SAMMSON: variants seen among roughly 807,000 people sequenced by gnomAD.
SAMMSON encodes the protein survival associated mitochondrial melanoma specific oncogenic non-coding RNA, also known as long intergenic non-protein coding RNA 1212.
chr3:70,339,310 A>T (rs1702691885), intron 7 of SAMMSON, among the ~76,000 whole-genome samples: 1 of 152,164 alleles, frequency 6.6e-6, no homozygotes, highest in South Asian at 2.1e-4. Context: ...CTAGAAGAAA[A>T]CCTAGACAGT....
At chr3:70,238,605 G>A (rs1460947759) in intron 4 of SAMMSON, among the ~76,000 whole-genome samples, 1 of 151,352 alleles carries the variant, frequency 6.6e-6, no homozygotes, top group Non-Finnish European at 1.5e-5. Flanking sequence ...GTGAGCACTT[G>A]TCTCAAAAAA....
chr3:70,274,622 C>T (rs1232138795), intron 6 of SAMMSON, among the ~76,000 whole-genome samples: 1 of 152,052 alleles, frequency 6.6e-6, no homozygotes, highest in Non-Finnish European at 1.5e-5. Context: ...CACACTGGGT[C>T]CTGTTGGGGA....
intron 4 of SAMMSON, among the ~76,000 whole-genome samples, chr3:70,122,788 T>C (rs2067440389): frequency 6.6e-6 from 1 of 152,262 alleles, no homozygotes; most frequent in African/African-American, 2.4e-5. Flanking sequence ...AATAAGTTTT[T>C]TATCCTATAG....
chr3:70,372,147 G>A (rs868413720), intron 9 of SAMMSON, among the ~76,000 whole-genome samples: 19 of 151,994 alleles, frequency 1.3e-4, no homozygotes, highest in African/African-American at 3.4e-4. Flanking sequence ...TGAGAATCTC[G>A]TTTCCTAGTT....
At chr3:70,187,605 T>C (rs1316293727) in intron 4 of SAMMSON, among the ~76,000 whole-genome samples, 1 of 151,474 alleles carries the variant, frequency 6.6e-6, no homozygotes, top group Non-Finnish European at 1.5e-5. Flanking sequence ...GCCCGGCTAA[T>C]TTTTGTATTT....
At chr3:70,008,564 T>C (rs993549438) in intron 1 of SAMMSON, among the ~76,000 whole-genome samples, 9 of 152,202 alleles carry the variant, frequency 5.9e-5, no homozygotes, top group East Asian at 1.9e-4. Flanking sequence ...TTTCTAGATA[T>C]ACAGTCATGT....
intron 4 of SAMMSON, among the ~76,000 whole-genome samples, chr3:70,218,993 GA>G (rs35967599): frequency 0.33 from 49,137 of 150,834 alleles, 10,361 homozygotes; most frequent in Non-Finnish European, 0.46. Context: ...GCCATTTCAA[GA>G]AAAAAAAAGT....
intron 4 of SAMMSON, among the ~76,000 whole-genome samples, chr3:70,078,846 G>C (rs1056290714): frequency 6.6e-6 from 1 of 152,132 alleles, no homozygotes; most frequent in Non-Finnish European, 1.5e-5. Context: ...CCTCACTTTA[G>C]TGCTGGCTCA....
chr3:70,286,086 T>G (rs1288724599), intron 6 of SAMMSON, among the ~76,000 whole-genome samples: 3 of 152,168 alleles, frequency 2.0e-5, no homozygotes, highest in Admixed American at 6.5e-5. Flanking sequence ...GTCAATTTTG[T>G]GTTTTGCTGC....
intron 6 of SAMMSON, among the ~76,000 whole-genome samples, chr3:70,275,708 T>C (rs34934640): frequency 0.22 from 32,783 of 152,102 alleles, 3,864 homozygotes; most frequent in African/African-American, 0.31. Flanking sequence ...CAAAGCGTCG[T>C]TGAAAGGATT....
chr3:70,358,102 C>T (rs1017145905), intron 8 of SAMMSON, among the ~76,000 whole-genome samples: 1 of 152,018 alleles, frequency 6.6e-6, no homozygotes, highest in East Asian at 1.9e-4. Context: ...TAAACATAGC[C>T]ATTATCAAAA....
intron 2 of SAMMSON, among the ~76,000 whole-genome samples, chr3:70,405,020 CA>C (rs1181437810): frequency 2.6e-5 from 4 of 152,094 alleles, no homozygotes; most frequent in Admixed American, 1.3e-4. Flanking sequence ...CAAATAACAA[CA>C]ACAAAAAACA....
chr3:70,421,797 A>T (rs1328303562), intron 2 of SAMMSON, among the ~76,000 whole-genome samples: 1 of 152,122 alleles, frequency 6.6e-6, no homozygotes, highest in Admixed American at 6.5e-5. Context: ...CTTAATTAGC[A>T]TGGGTAAATG....
At chr3:70,302,382 T>C (rs1702357801) in intron 7 of SAMMSON, among the ~76,000 whole-genome samples, 1 of 152,190 alleles carries the variant, frequency 6.6e-6, no homozygotes, top group Non-Finnish European at 1.5e-5. Context: ...AAAAGTAAAG[T>C]ATCTCTTTGT....
At chr3:70,221,486 T>A (rs1462263803) in intron 4 of SAMMSON, among the ~76,000 whole-genome samples, 5 of 152,084 alleles carry the variant, frequency 3.3e-5, no homozygotes. Context: ...CCTTTCCTCT[T>A]AACCACCGTG....
chr3:70,396,706 G>T (rs1177142962), intron 2 of SAMMSON, among the ~76,000 whole-genome samples: 1 of 152,174 alleles, frequency 6.6e-6, no homozygotes, highest in African/African-American at 2.4e-5. Flanking sequence ...GAGAGTATAT[G>T]TTACATAAGG....
At chr3:70,277,760 G>A (rs1263666389) in intron 6 of SAMMSON, among the ~76,000 whole-genome samples, 2 of 152,044 alleles carry the variant, frequency 1.3e-5, no homozygotes, top group Non-Finnish European at 2.9e-5. Flanking sequence ...CTTGAGGATG[G>A]GTGGGAACTT....
intron 9 of SAMMSON, among the ~76,000 whole-genome samples, chr3:70,380,450 A>G (rs1703055809): frequency 6.6e-6 from 1 of 152,170 alleles, no homozygotes; most frequent in Non-Finnish European, 1.5e-5. Context: ...TTTGTGCACT[A>G]AAAAGCCCCA....
intron 3 of SAMMSON, among the ~76,000 whole-genome samples, chr3:70,040,234 A>T (rs981784418): frequency 2.6e-5 from 4 of 152,174 alleles, no homozygotes; most frequent in Non-Finnish European, 5.9e-5. Flanking sequence ...GAAAGCAGAT[A>T]TATGTCACCT....
Sources: gnomAD v4.1 joint callset for allele counts (sites outside exome capture counted in the v4.1 genomes callset) on GRCh38, gnomAD v4.1.1 for gene constraint, MANE v1.5 for transcripts, NCBI Gene and HGNC (gene_info 2026-07-23, HGNC 2026-07-21) for gene names.